DAGLB: variants seen among roughly 807,000 people sequenced by gnomAD.
DAGLB encodes the protein diacylglycerol lipase-beta.
Under a neutral mutation model 72.1 loss-of-function variants are expected in DAGLB, and 66 were observed. The ratio of observed to expected loss-of-function variants is 0.92; its 90% CI spans 0.75 to 1.12. The LOEUF (loss-of-function observed/expected upper bound fraction) is 1.12. Among genes scored for constraint, DAGLB ranks in the 50% most tolerant of loss-of-function variants. DAGLB has a pLI of 0.00. For synonymous variants in DAGLB, 414 were observed against 359.5 expected, an observed-to-expected ratio of 1.15 and a Z score of -1.71; for missense variants, 1,065 against 884.9, an observed-to-expected ratio of 1.20 and a Z score of -2.58.
intron 2 of DAGLB, 50 bp from the exon 3 acceptor site, chr7:6,436,583 A>ACTCT: frequency 6.2e-7 from 1 of 1,608,954 alleles, no homozygotes; most frequent in East Asian, 2.2e-5. Context: ...TCAGAGATGA[A>ACTCT]GAGCTTCCTT....
intron 6 of DAGLB, among the ~76,000 whole-genome samples, chr7:6,427,909 T>C (rs758116043): frequency 6.6e-6 from 1 of 152,184 alleles, no homozygotes; most frequent in Non-Finnish European, 1.5e-5. Context: ...ACACTGTACT[T>C]AATACAAAAT....
chr7:6,447,635 C>T (rs1785053007), intron 1 of DAGLB, 113 bp downstream of exon 1: 4 of 1,407,408 alleles, frequency 2.8e-6, no homozygotes, highest in African/African-American at 1.5e-5. Flanking sequence ...GCGTGGCCAG[C>T]GCTGGGACCG....
intron 9 of DAGLB, among the ~76,000 whole-genome samples, chr7:6,420,799 C>T (rs559628570): frequency 9.2e-5 from 14 of 152,176 alleles, no homozygotes; most frequent in Non-Finnish European, 1.5e-4. Context: ...TTCATTCCTT[C>T]GGGAGGAGCT....
At chr7:6,439,701 A>T (rs958021760) in intron 2 of DAGLB, among the ~76,000 whole-genome samples, 1 of 152,168 alleles carries the variant, frequency 6.6e-6, no homozygotes, top group East Asian at 1.9e-4. Flanking sequence ...ACCATCTCCA[A>T]TCAAACCTCC....
At chr7:6,433,320 ACT>A (rs367925643) in intron 4 of DAGLB, among the ~76,000 whole-genome samples, 255 of 152,256 alleles carry the variant, frequency 1.7e-3, no homozygotes, top group African/African-American at 5.7e-3. Context: ...CCACGTTTAT[ACT>A]CTCATTTCTC....
intron 2 of DAGLB, among the ~76,000 whole-genome samples, chr7:6,436,863 G>A (rs1452205569): frequency 2.6e-5 from 4 of 151,936 alleles, no homozygotes; most frequent in East Asian, 1.9e-4. Context: ...TAATTATGCT[G>A]GGGCCGGGCA....
intron 2 of DAGLB, among the ~76,000 whole-genome samples, chr7:6,442,484 T>C (rs901227307): frequency 6.6e-6 from 1 of 152,048 alleles, no homozygotes; most frequent in Non-Finnish European, 1.5e-5. Flanking sequence ...ACTCTGACCC[T>C]GCTATTACAG....
At chr7:6,426,624 C>T (rs1218837422) in intron 6 of DAGLB, among the ~76,000 whole-genome samples, 1 of 152,168 alleles carries the variant, frequency 6.6e-6, no homozygotes, top group African/African-American at 2.4e-5. Context: ...GGATAGAGTT[C>T]TGACTTCTGG....
chr7:6,425,869 T>A (rs1417841188), intron 7 of DAGLB, 119 bp downstream of exon 7: 1 of 1,510,374 alleles, frequency 6.6e-7, no homozygotes, highest in Non-Finnish European at 8.9e-7. Flanking sequence ...TACACAGGAC[T>A]TAGAAGTGTG....
chr7:6,412,708 A>G (rs1019345293), intron 13 of DAGLB, 103 bp downstream of exon 13: 1 of 1,303,868 alleles, frequency 7.7e-7, no homozygotes, highest in African/African-American at 1.5e-5. Flanking sequence ...CAGCAACAGC[A>G]TAGAGTGCCC....
Position 6,447,914 on chromosome 7 carries a change from C to G in DAGLB, c.-72G>C, listed in dbSNP as rs1429205453. 8 of 1,482,890 alleles carry G rather than the reference C, an allele frequency of 5.4e-6. No homozygotes were observed. Among genetic ancestry groups the G allele is most frequent in the Non-Finnish European group, 6.3e-6 (7 of 1,118,918 alleles). 91.9% of individuals were successfully genotyped at this position (1,482,890 alleles called of 1,614,324 possible). A position where few individuals can be genotyped will look rare whatever the true frequency, so the allele number is the denominator to read the frequency against. ...TCACCGAGAACAAACCAGCACCCTCCGGACGCCGCCACCAAATTATCGGCG... is the reference window on the plus strand; with the variant it reads ...TCACCGAGAACAAACCAGCACCCTCGGGACGCCGCCACCAAATTATCGGCG... On this transcript the variant is annotated 5_prime_UTR_variant, in exon 1 of 15. Transcript: ENST00000297056.
chr7:6,432,682 G>T (rs1412649206), intron 5 of DAGLB, among the ~76,000 whole-genome samples, 155 bp downstream of exon 5: 1 of 143,796 alleles, frequency 7.0e-6, no homozygotes, highest in East Asian at 2.1e-4. Context: ...AAAAAAGGTG[G>T]GAGAGGGGAG....
chr7:6,420,785 G>C (rs1286382585), intron 9 of DAGLB, among the ~76,000 whole-genome samples: 1 of 152,114 alleles, frequency 6.6e-6, no homozygotes, highest in Admixed American at 6.5e-5. Flanking sequence ...CTGGGCAGGG[G>C]GTTTTCATTC....
At chr7:6,430,744 G>A in intron 5 of DAGLB, 137 bp from the exon 6 acceptor site, 1 of 995,230 alleles carries the variant, frequency 1.0e-6, no homozygotes, top group Non-Finnish European at 1.3e-6. Context: ...GACGCCCACA[G>A]GCAAAACTGC....
chr7:6,413,264 CTG>C (rs1783793992), intron 11 of DAGLB, among the ~76,000 whole-genome samples: 2 of 152,182 alleles, frequency 1.3e-5, no homozygotes, highest in African/African-American at 4.8e-5. Flanking sequence ...AAACCGCAAA[CTG>C]GACACCAAGG....
chr7:6,428,055 T>A (rs573324326), intron 6 of DAGLB, among the ~76,000 whole-genome samples: 36 of 151,880 alleles, frequency 2.4e-4, no homozygotes, highest in African/African-American at 8.7e-4. Context: ...TTTAGAAAAA[T>A]CACAATTTTG....
chr7:6,438,863 A>G (rs79983135), intron 2 of DAGLB, among the ~76,000 whole-genome samples: 26 of 106,634 alleles, frequency 2.4e-4, no homozygotes, highest in East Asian at 1.6e-3. Flanking sequence ...TAAAAAAGAT[A>G]ATGATGATGA....
At chr7:6,422,427 T>C (rs1784158935) in intron 8 of DAGLB, 1 of 177,900 alleles carries the variant, frequency 5.6e-6, no homozygotes, top group South Asian at 1.2e-4. Flanking sequence ...GCGAGTGCTG[T>C]GCTGCTGGGC....
chr7:6,421,793 C>A lies in DAGLB; in HGVS notation c.1152G>T (p.Thr384=). The A allele has an allele frequency of 5.6e-6, 9 of 1,608,446 alleles. No homozygotes were observed. The highest frequency in any genetic ancestry group is 7.6e-6 in the Non-Finnish European group (9 of 1,178,912). Residue 384 remains threonine, a synonymous_variant, in exon 9 of 15, where the codon ACG becomes ACT. Transcript: ENST00000297056. ...RGTMSLQDVL[T]DLSAESEVLD... is the part of the protein sequence containing the mutation. ...GCACCTCACTCTCCGCTGACAGGTCCGTAAGGACATCCTGTAAAAAGGGCG... is the reference window on the plus strand; with the variant it reads ...GCACCTCACTCTCCGCTGACAGGTCAGTAAGGACATCCTGTAAAAAGGGCG...
Sources: gnomAD v4.1 joint callset for allele counts (sites outside exome capture counted in the v4.1 genomes callset) on GRCh38, gnomAD v4.1.1 for gene constraint, MANE v1.5 for transcripts, NCBI Gene and HGNC (gene_info 2026-07-23, HGNC 2026-07-21) for gene names.